The following ZMYM4 variants were observed in gnomAD, a reference collection of about 807,000 sequenced individuals.
ZMYM4 encodes zinc finger MYM-type protein 4.
Under a neutral mutation model 183.2 loss-of-function variants are expected in ZMYM4, and 31 were observed. The ratio of observed to expected loss-of-function variants is 0.17; its 90% CI spans 0.13 to 0.23. The LOEUF is 0.23. Among genes scored for constraint, ZMYM4 ranks in the 10% least tolerant of loss-of-function variants. ZMYM4 has a pLI of 1.00. For missense variants in ZMYM4, 1,273 were observed against 1,840.3 expected, an observed-to-expected ratio of 0.69 and a Z score of 5.64; for synonymous variants, 592 against 631.2, an observed-to-expected ratio of 0.94 and a Z score of 0.93.
rs35122134 is a variant in ZMYM4, at chr1:35,370,338, ATTTTTTTTTTTTTT to A, written c.926-18_926-5del. The A allele has an allele frequency of 2.2e-5, 25 of 1,129,134 alleles. No homozygotes were observed. The highest frequency in any genetic ancestry group is 4.5e-5 in the South Asian group (2 of 44,538). 69.9% of individuals were successfully genotyped at this position (1,129,134 alleles called of 1,614,324 possible). A position where few individuals can be genotyped will look rare whatever the true frequency, so the allele number is the denominator to read the frequency against. ...AAAAGTAAAACATTTTTTTCTTTCA[ATTTTTTTTTTTTTT>A]TTTTTTTTTTTTTTTAAAGCTCCAC... On this transcript the variant is annotated intron_variant, in intron 6 of 29. Coordinates refer to ENST00000314607, the MANE Select transcript of ZMYM4 (RefSeq NM_005095.3).
rs1640212678 is a variant in ZMYM4 at position 35,418,570 on chromosome 1, A to T, written c.4437A>T (p.Lys1479Asn). Residue 1479 changes from lysine to asparagine, a missense_variant and splice_region_variant, in exon 29 of 30, where the codon AAA becomes AAT. Transcript: ENST00000314607. The part of the protein sequence containing the change: ...PVRLYEFYLS[K>N]CSESVKQRND... ...GACTTTATGAGTTTTACCTGTCAAA[A>T]TGGTAATCTTTCTCTGAACTGAATG... 6.2e-7 allele frequency: 1 copy of T among 1,613,846 alleles called. No individual in the cohort carries two copies. The highest frequency in any genetic ancestry group is 8.5e-7 in the Non-Finnish European group (1 of 1,179,952).
At chr1:35,274,020 TTC>T (rs1280887063) in intron 1 of ZMYM4, among the ~76,000 whole-genome samples, 3 of 152,150 alleles carry the variant, frequency 2.0e-5, no homozygotes, top group Non-Finnish European at 2.9e-5. Flanking sequence ...TATTTTGAAT[TTC>T]TGTTATTTTA....
intron 1 of ZMYM4, among the ~76,000 whole-genome samples, chr1:35,283,561 T>G (rs769761079): frequency 2.6e-5 from 4 of 151,642 alleles, no homozygotes; most frequent in Non-Finnish European, 4.4e-5. Context: ...ATAGTCTTGA[T>G]CTCCTGACCT....
At chr1:35,343,863 C>CA (rs548237524) in intron 2 of ZMYM4, among the ~76,000 whole-genome samples, 9,801 of 120,972 alleles carry the variant, frequency 0.081, 419 homozygotes, top group Non-Finnish European at 0.12. Context: ...GACTCTGTCT[C>CA]AAAAAAAAAA....
intron 1 of ZMYM4, among the ~76,000 whole-genome samples, chr1:35,323,275 T>G (rs896126104): frequency 3.9e-5 from 6 of 152,152 alleles, no homozygotes; most frequent in African/African-American, 1.4e-4. Context: ...GTGCTGGGAT[T>G]ACAGGCGTGA....
chr1:35,398,225 C>T (rs1217781773), intron 20 of ZMYM4, among the ~76,000 whole-genome samples, 188 bp from the exon 21 acceptor site: 1 of 152,162 alleles, frequency 6.6e-6, no homozygotes, highest in Non-Finnish European at 1.5e-5. Flanking sequence ...TCCCCATTAA[C>T]AGTGGTAATC....
chr1:35,376,718 G>A (rs532562165), intron 7 of ZMYM4, among the ~76,000 whole-genome samples: 114 of 151,782 alleles, frequency 7.5e-4, no homozygotes, highest in African/African-American at 2.5e-3. Flanking sequence ...TAGAGATGGG[G>A]TTTCACCGTA....
At chr1:35,355,952 G>A (rs1253652749) in intron 2 of ZMYM4, among the ~76,000 whole-genome samples, 1 of 152,162 alleles carries the variant, frequency 6.6e-6, no homozygotes, top group East Asian at 1.9e-4. Flanking sequence ...AAGGGGCTGG[G>A]TGCAGTGGCT....
intron 26 of ZMYM4, among the ~76,000 whole-genome samples, chr1:35,411,480 A>G (rs1011250681): frequency 7.2e-5 from 11 of 152,078 alleles, no homozygotes; most frequent in African/African-American, 2.4e-4. Context: ...ATAGATGGCT[A>G]TTTTTAGGGC....
At chr1:35,341,943 A>G (rs1643215206) in intron 2 of ZMYM4, among the ~76,000 whole-genome samples, 3 of 152,168 alleles carry the variant, frequency 2.0e-5, no homozygotes, top group African/African-American at 4.8e-5. Context: ...CAGTTTGCTA[A>G]TATTTTCCTG....
intron 2 of ZMYM4, among the ~76,000 whole-genome samples, chr1:35,332,867 A>G (rs1251964280): frequency 2.6e-5 from 4 of 151,812 alleles, no homozygotes; most frequent in Non-Finnish European, 2.9e-5. Context: ...CCTGATTTGT[A>G]TATTTTTTTT....
chr1:35,312,766 G>A (rs1385134641), intron 1 of ZMYM4, among the ~76,000 whole-genome samples: 1 of 147,660 alleles, frequency 6.8e-6, no homozygotes, highest in South Asian at 2.3e-4. Context: ...TGTTGCCCAG[G>A]CTGGAGTGCA....
intron 1 of ZMYM4, among the ~76,000 whole-genome samples, chr1:35,296,305 A>G (rs531680041): frequency 1.3e-5 from 2 of 152,334 alleles, no homozygotes; most frequent in East Asian, 3.9e-4. Context: ...CTTATTAAAT[A>G]TAGACTATTG....
At chr1:35,281,907 A>G (rs1035432294) in intron 1 of ZMYM4, among the ~76,000 whole-genome samples, 4 of 152,166 alleles carry the variant, frequency 2.6e-5, no homozygotes, top group African/African-American at 7.2e-5. Context: ...GTGGACTCAT[A>G]CAATATTTAT....
chr1:35,303,366 G>C (rs1005963599), intron 1 of ZMYM4, among the ~76,000 whole-genome samples: 4 of 151,668 alleles, frequency 2.6e-5, no homozygotes, highest in Non-Finnish European at 5.9e-5. Context: ...TAGATTTGTA[G>C]TGGTGATCTC....
rs1640253517 is a variant in ZMYM4 at position 35,419,557 on chromosome 1, A to G, written c.4527A>G (p.Thr1509=). ...CVPNSPMWYS[T]FPIDPGTLDT... is the part of the protein sequence containing the mutation. ...CGAATAGCCCCATGTGGTACTCCAC[A>G]TTCCCGATAGACCCTGGAACCCTGG... Residue 1509 remains threonine (T), a synonymous_variant, in exon 30 of 30, where the codon ACA becomes ACG. Transcript: ENST00000314607. 2 of 1,614,094 alleles carry G rather than the reference A, an allele frequency of 1.2e-6. No homozygotes were observed. Among genetic ancestry groups the G allele is most frequent in the East Asian group, 2.2e-5 (1 of 44,882 alleles).
At chr1:35,288,381 C>G (rs1283589604) in intron 1 of ZMYM4, among the ~76,000 whole-genome samples, 1 of 152,162 alleles carries the variant, frequency 6.6e-6, no homozygotes, top group Non-Finnish European at 1.5e-5. Flanking sequence ...GGTTATTGGT[C>G]AGAGTTTTTT....
At chr1:35,350,779 T>G in intron 2 of ZMYM4, 1 of 478,876 alleles carries the variant, frequency 2.1e-6, no homozygotes, top group South Asian at 2.1e-5. Context: ...CCAAGTGAAA[T>G]TTAGAAGATG....
chr1:35,415,327 G>A lies in ZMYM4; in HGVS notation c.4061-139G>A, dbSNP rs111808207. Reference sequence around the variant, plus strand: ...CCTTTTTCTTTGTGGTGCGTTTTCTGGTTTTCTGCATAAGGAAGAGGGGAA... The same window carrying A: ...CCTTTTTCTTTGTGGTGCGTTTTCTAGTTTTCTGCATAAGGAAGAGGGGAA... On this transcript the variant is annotated intron_variant, in intron 27 of 29. Coordinates refer to ENST00000314607, the MANE Select transcript of ZMYM4 (RefSeq NM_005095.3). The A allele has an allele frequency of 5.6e-5, 67 of 1,200,034 alleles. 3 individuals carry two copies. The African/African-American group carries it at 5.8e-4, about 10-fold the overall frequency. The allele number at this position is 1,200,034 out of a possible 1,614,324, so 74.3% of individuals were successfully genotyped here. A position where few individuals can be genotyped will look rare whatever the true frequency, so the allele number is the denominator to read the frequency against.
Sources: allele counts gnomAD v4.1 joint callset (sites outside exome capture counted in the v4.1 genomes callset), GRCh38; gene constraint gnomAD v4.1.1; transcripts MANE v1.5; gene names NCBI Gene and HGNC (gene_info 2026-07-23, HGNC 2026-07-21).